Variants in MEI4 observed in about 807,000 individuals in gnomAD.
The protein encoded by MEI4 is meiotic double-stranded break formation protein 4.
Under a neutral mutation model 31.4 loss-of-function variants are expected in MEI4, and 27 were observed. That is an observed-to-expected ratio of 0.86 (90% CI 0.63 to 1.19). MEI4 has a LOEUF of 1.19. Ranked by LOEUF, MEI4 falls within the 50% of genes most tolerant of loss-of-function variation. The pLI, the probability that MEI4 is intolerant of heterozygous loss-of-function variation, is 0.00. For synonymous variants in MEI4, 122 were observed against 145.4 expected, an observed-to-expected ratio of 0.84 and a Z score of 1.16; for missense variants, 329 against 398.9, an observed-to-expected ratio of 0.82 and a Z score of 1.49.
chr6:77,876,153 T>C (rs1459292271), intron 4 of MEI4, among the ~76,000 whole-genome samples: 1 of 152,218 alleles, frequency 6.6e-6, no homozygotes, highest in Non-Finnish European at 1.5e-5. Flanking sequence ...ATCTATATGA[T>C]AGATTTTCAT....
At position 77,924,545 on chromosome 6, in the gene MEI4, T is replaced by G. The variant is rs912554872; in HGVS notation, c.*1199T>G. ...CAGATATATGCAGGTCACTCAAGGA[T>G]CAGCTGATTTGGACTGGACTTGACT... On this transcript the variant is annotated 3_prime_UTR_variant, in exon 5 of 5. Coordinates refer to ENST00000684080, the MANE Select transcript of MEI4 (RefSeq NM_001322247.2). The G allele has an allele frequency of 6.6e-6, 1 of 151,752 alleles. No individual in the cohort carries two copies. The highest frequency in any genetic ancestry group is 2.4e-5 in the African/African-American group (1 of 41,344). 9.4% of individuals were successfully genotyped at this position (151,752 alleles called of 1,614,324 possible).
chr6:77,668,443 A>C lies in MEI4; in HGVS notation c.-15+15351A>C, dbSNP rs577484215. On this transcript the variant is annotated intron_variant, in intron 1 of 4. Coordinates refer to ENST00000684080, the MANE Select transcript of MEI4 (RefSeq NM_001322247.2). Reference sequence around the variant, plus strand: ...ATTCCTGACCCTATCCTTGGGCAACAGACTGTATTATTTCTTCTAGTGGAA... The same window carrying C: ...ATTCCTGACCCTATCCTTGGGCAACCGACTGTATTATTTCTTCTAGTGGAA... Among the ~76,000 whole-genome samples, 304 of 152,324 alleles carry C rather than the reference A, an allele frequency of 2.0e-3. 5 individuals are homozygous for C. The South Asian group carries it at 0.034, about 17-fold the overall frequency.
chr6:77,909,812 A>C (rs1486362585), intron 4 of MEI4, among the ~76,000 whole-genome samples: 1 of 152,186 alleles, frequency 6.6e-6, no homozygotes, highest in Non-Finnish European at 1.5e-5. Context: ...ATCCTCAATA[A>C]AATACTGGCA....
At chr6:77,802,867 G>T (rs1161825718) in intron 3 of MEI4, among the ~76,000 whole-genome samples, 4 of 152,146 alleles carry the variant, frequency 2.6e-5, no homozygotes, top group Admixed American at 6.5e-5. Context: ...GCTTCCTTTT[G>T]TGGTTAACCC....
chr6:77,782,838 T>C (rs1282990002), intron 3 of MEI4, among the ~76,000 whole-genome samples: 1 of 152,216 alleles, frequency 6.6e-6, no homozygotes, highest in Non-Finnish European at 1.5e-5. Context: ...AATAATTTAT[T>C]ATTTTCAATC....
intron 4 of MEI4, among the ~76,000 whole-genome samples, chr6:77,834,984 T>A (rs1354360102): frequency 6.6e-6 from 1 of 152,142 alleles, no homozygotes. Flanking sequence ...AGCCAAGCAA[T>A]CTGAAGCTAT....
At chr6:77,697,431 G>A (rs1350703661) in intron 2 of MEI4, among the ~76,000 whole-genome samples, 1 of 152,146 alleles carries the variant, frequency 6.6e-6, no homozygotes, top group Non-Finnish European at 1.5e-5. Context: ...TCTACACACT[G>A]CTTTGAATGT....
At chr6:77,698,115 CT>C (rs1766103873) in intron 2 of MEI4, among the ~76,000 whole-genome samples, 1 of 152,010 alleles carries the variant, frequency 6.6e-6, no homozygotes, top group African/African-American at 2.4e-5. Context: ...TTTCCATTTC[CT>C]TGGTAGATCT....
intron 4 of MEI4, among the ~76,000 whole-genome samples, chr6:77,880,800 T>A (rs1771464514): frequency 1.3e-5 from 2 of 152,128 alleles, no homozygotes; most frequent in African/African-American, 4.8e-5. Context: ...TGGATTTCTC[T>A]TCAACAAAAC....
rs147662857 is a variant in MEI4 at position 77,747,867 on chromosome 6, A to G, written c.233-13263A>G. On this transcript the variant is annotated intron_variant, in intron 2 of 4. Coordinates refer to ENST00000684080, the MANE Select transcript of MEI4 (RefSeq NM_001322247.2). ...AAAGCTGCTTAGTTACTTCCAAGAT[A>G]CAATGGGGGTACTGGTGTTGGGTAA... is the stretch of plus-strand genomic sequence containing the variant. Among the ~76,000 whole-genome samples the G allele has an allele frequency of 3.3e-5, 5 of 152,224 alleles. No homozygotes were observed. In the East Asian group the frequency reaches 7.7e-4, roughly 23 times the overall value.
At chr6:77,763,028 A>G (rs1768079948) in intron 3 of MEI4, among the ~76,000 whole-genome samples, 1 of 152,148 alleles carries the variant, frequency 6.6e-6, no homozygotes, top group Non-Finnish European at 1.5e-5. Flanking sequence ...TTTATAGTCC[A>G]TATCAGAATT....
chr6:77,907,888 T>G (rs1270108077), intron 4 of MEI4, among the ~76,000 whole-genome samples: 1 of 152,182 alleles, frequency 6.6e-6, no homozygotes, highest in Non-Finnish European at 1.5e-5. Flanking sequence ...TCTGCATTTC[T>G]CTGATGGCCA....
intron 3 of MEI4, among the ~76,000 whole-genome samples, chr6:77,773,641 G>T (rs1768370160): frequency 6.6e-6 from 1 of 151,930 alleles, no homozygotes; most frequent in African/African-American, 2.4e-5. Context: ...ACAAGCAAAG[G>T]CAATCAAAGC....
intron 2 of MEI4, among the ~76,000 whole-genome samples, chr6:77,750,166 A>G (rs112634681): frequency 1.1e-3 from 165 of 152,338 alleles, no homozygotes; most frequent in African/African-American, 2.6e-3. Context: ...CTGCAAAAAC[A>G]TACCAAATTG....
At chr6:77,742,546 GA>G (rs1379443026) in intron 2 of MEI4, among the ~76,000 whole-genome samples, 3 of 152,090 alleles carry the variant, frequency 2.0e-5, no homozygotes, top group African/African-American at 4.8e-5. Context: ...AGTAGTTTGC[GA>G]AAATTTTCTC....
chr6:77,813,926 A>G (rs1223784487), intron 3 of MEI4, among the ~76,000 whole-genome samples: 2 of 152,210 alleles, frequency 1.3e-5, no homozygotes, highest in African/African-American at 2.4e-5. Flanking sequence ...TTCAATAATA[A>G]CATTTTAAAA....
chr6:77,841,498 C>A (rs1427195742), intron 4 of MEI4, among the ~76,000 whole-genome samples: 3 of 150,814 alleles, frequency 2.0e-5, no homozygotes, highest in Non-Finnish European at 2.9e-5. Context: ...TGCCACTACT[C>A]GTGGCTAATT....
At chr6:77,898,635 C>T (rs956749915) in intron 4 of MEI4, among the ~76,000 whole-genome samples, 2 of 152,084 alleles carry the variant, frequency 1.3e-5, no homozygotes, top group African/African-American at 4.8e-5. Context: ...ACATGTCAGA[C>T]TACATCTCTG....
At chr6:77,716,297 A>G (rs935385557) in intron 2 of MEI4, among the ~76,000 whole-genome samples, 9 of 152,224 alleles carry the variant, frequency 5.9e-5, no homozygotes, top group African/African-American at 2.2e-4. Flanking sequence ...ACATTAGTCA[A>G]TCAGGATAGC....
Sources: gnomAD v4.1 joint callset for allele counts (sites outside exome capture counted in the v4.1 genomes callset) on GRCh38, gnomAD v4.1.1 for gene constraint, MANE v1.5 for transcripts, NCBI Gene and HGNC (gene_info 2026-07-23, HGNC 2026-07-21) for gene names.